Variants in DPH6 observed in about 807,000 individuals in gnomAD.
DPH6 encodes diphthine--ammonia ligase.
In DPH6, 33 loss-of-function variants were observed where a neutral mutation model predicts 38.2. The ratio of observed to expected loss-of-function variants is 0.86; its 90% CI spans 0.65 to 1.15. DPH6 has a LOEUF of 1.15. Among genes scored for constraint, DPH6 ranks in the 50% most tolerant of loss-of-function variants. The pLI, the probability that DPH6 is intolerant of heterozygous loss-of-function variation, is 0.00. For missense variants in DPH6, 325 were observed against 320.0 expected, an observed-to-expected ratio of 1.02 and a Z score of -0.12; for synonymous variants, 108 against 103.0, an observed-to-expected ratio of 1.05 and a Z score of -0.30.
At chr15:35,205,277 T>A in the DPH6 span, among the ~76,000 whole-genome samples, 2 of 151,972 alleles carry the variant, frequency 1.3e-5, no homozygotes, top group Non-Finnish European at 2.9e-5. Flanking sequence ...ATTTTAATCA[T>A]TGAAGTATCC....
At chr15:35,391,591 C>T (rs1394256306) in intron 6 of DPH6, among the ~76,000 whole-genome samples, 1 of 152,200 alleles carries the variant, frequency 6.6e-6, no homozygotes, top group African/African-American at 2.4e-5. Flanking sequence ...TGATCTCAGA[C>T]TGCTGTGCTA....
intron 3 of DPH6, among the ~76,000 whole-genome samples, chr15:35,317,456 GGAAAGAAA>G (rs145169289): frequency 6.0e-5 from 9 of 149,664 alleles, no homozygotes; most frequent in East Asian, 3.9e-4. Flanking sequence ...AGAAAAAGAA[GGAAAGAAA>G]GAAAGAAAGA....
intron 3 of DPH6, chr15:35,519,069 A>G (rs1236009261): frequency 2.0e-5 from 3 of 151,946 alleles, no homozygotes; most frequent in South Asian, 2.1e-4. Flanking sequence ...TCTTCTAATC[A>G]TATCTAAATA....
At chr15:35,375,834 T>C (rs943939321) in intron 7 of DPH6, among the ~76,000 whole-genome samples, 1 of 151,604 alleles carries the variant, frequency 6.6e-6, no homozygotes, top group Non-Finnish European at 1.5e-5. Context: ...AAAAAAAAAA[T>C]GGTATTCCCT....
At chr15:35,231,600 ATC>A (rs1348482147) in intron 3 of DPH6, among the ~76,000 whole-genome samples, 4 of 152,240 alleles carry the variant, frequency 2.6e-5, no homozygotes, top group Non-Finnish European at 5.9e-5. Flanking sequence ...TGCTCCACCC[ATC>A]TCTGTAATCA....
chr15:35,360,226 G>A (rs565688772), intron 3 of DPH6, among the ~76,000 whole-genome samples: 1 of 152,126 alleles, frequency 6.6e-6, no homozygotes, highest in Admixed American at 6.5e-5. Flanking sequence ...ACGATTAACT[G>A]GGGCTAGAGC....
At chr15:35,461,208 C>A (rs1327983315) in intron 3 of DPH6, among the ~76,000 whole-genome samples, 1 of 152,160 alleles carries the variant, frequency 6.6e-6, no homozygotes, top group Non-Finnish European at 1.5e-5. Flanking sequence ...CCTCAGCCTT[C>A]GAATAGCTGG....
At chr15:35,441,377 A>C (rs1425556361) in intron 5 of DPH6, among the ~76,000 whole-genome samples, 1 of 152,260 alleles carries the variant, frequency 6.6e-6, no homozygotes, top group African/African-American at 2.4e-5. Context: ...TTACTGCAGC[A>C]CTATTCACAG....
chr15:35,251,530 G>A (rs71466809), intron 3 of DPH6, among the ~76,000 whole-genome samples: 6,509 of 152,174 alleles, frequency 0.043, 177 homozygotes, highest in South Asian at 0.061. Flanking sequence ...TTCAGAGCTT[G>A]GACATAAGGT....
chr15:35,446,112 G>A (rs1298805345), intron 5 of DPH6, among the ~76,000 whole-genome samples: 1 of 152,064 alleles, frequency 6.6e-6, no homozygotes, highest in African/African-American at 2.4e-5. Flanking sequence ...AAGATCTGCA[G>A]CTGTGGTTGC....
intron 3 of DPH6, among the ~76,000 whole-genome samples, chr15:35,276,549 G>C (rs931700463): frequency 4.6e-5 from 7 of 152,186 alleles, no homozygotes; most frequent in African/African-American, 1.7e-4. Context: ...TTGTCTTCTA[G>C]AATTTTTATA....
At chr15:35,319,109 C>T (rs887412747) in intron 3 of DPH6, among the ~76,000 whole-genome samples, 1 of 152,124 alleles carries the variant, frequency 6.6e-6, no homozygotes, top group Non-Finnish European at 1.5e-5. Context: ...CAGGATTGTT[C>T]TAAGTGGAGA....
chr15:35,252,179 A>G (rs318330), intron 3 of DPH6, among the ~76,000 whole-genome samples: 84,078 of 152,086 alleles, frequency 0.55, 26,848 homozygotes, highest in Non-Finnish European at 0.73. Context: ...GTAATACAAT[A>G]TGATAGACAT....
At chr15:35,343,122 A>T (rs904921738) in intron 3 of DPH6, among the ~76,000 whole-genome samples, 1 of 152,236 alleles carries the variant, frequency 6.6e-6, no homozygotes, top group Non-Finnish European at 1.5e-5. Flanking sequence ...CCTTAATATT[A>T]TCAACTATCT....
intron 3 of DPH6, among the ~76,000 whole-genome samples, chr15:35,473,987 TA>T (rs1285065183): frequency 1.1e-4 from 16 of 150,970 alleles, no homozygotes; most frequent in African/African-American, 3.9e-4. Context: ...TTTGTAGACA[TA>T]AAGTATTTCT....
chr15:35,283,891 A>G (rs1240999150), intron 3 of DPH6, among the ~76,000 whole-genome samples: 1 of 152,150 alleles, frequency 6.6e-6, no homozygotes, highest in Non-Finnish European at 1.5e-5. Flanking sequence ...TGGTGGGGAG[A>G]AATGGTTCTC....
At chr15:35,205,987 C>T in the DPH6 span, among the ~76,000 whole-genome samples, 1 of 151,996 alleles carries the variant, frequency 6.6e-6, no homozygotes, top group Non-Finnish European at 1.5e-5. Context: ...TCAGAGAGCT[C>T]CTAGCAGTCT....
intron 3 of DPH6, among the ~76,000 whole-genome samples, chr15:35,499,729 T>C (rs80169160): frequency 0.018 from 2,729 of 152,256 alleles, 81 homozygotes; most frequent in African/African-American, 0.061. Flanking sequence ...CTAAGAGAAA[T>C]AAGATTCATG....
chr15:35,173,995 A>C, the DPH6 span, among the ~76,000 whole-genome samples: 3 of 152,214 alleles, frequency 2.0e-5, no homozygotes, highest in South Asian at 6.2e-4. Flanking sequence ...GTAACTGAAC[A>C]GAACCATGAA....
Sources: gnomAD v4.1 joint callset for allele counts (sites outside exome capture counted in the v4.1 genomes callset) on GRCh38, gnomAD v4.1.1 for gene constraint, MANE v1.5 for transcripts, NCBI Gene and HGNC (gene_info 2026-07-23, HGNC 2026-07-21) for gene names.